ARAP3: variants seen among roughly 807,000 people sequenced by gnomAD.
ARAP3 encodes the protein arf-GAP with Rho-GAP domain, ANK repeat and PH domain-containing protein 3.
Under a neutral mutation model 169.2 loss-of-function variants are expected in ARAP3, and 82 were observed. That is an observed-to-expected ratio of 0.48 (90% confidence interval 0.41 to 0.58). The LOEUF (loss-of-function observed/expected upper bound fraction) is 0.58, where lower values mean the gene tolerates loss of function less well. Ranked by LOEUF, ARAP3 falls within the 20% of genes least tolerant of loss-of-function variation. ARAP3 has a pLI of 0.00. For missense variants in ARAP3, 1,764 were observed against 2,018.0 expected (o/e 0.87, Z 2.41); for synonymous variants, 791 against 800.3 (o/e 0.99, Z 0.20).
rs1328093837 is a variant in ARAP3 at position 141,658,664 on chromosome 5, G to A, written c.3337-11C>T. The A allele has an allele frequency of 2.5e-6, 4 of 1,573,180 alleles. No homozygotes were observed. Among genetic ancestry groups the A allele is most frequent in the Middle Eastern group, 3.4e-4 (2 of 5,824 alleles). On this transcript the variant is annotated splice_polypyrimidine_tract_variant and intron_variant, in intron 23 of 32. Coordinates refer to ENST00000239440, the MANE Select transcript of ARAP3 (RefSeq NM_022481.6). ...TCCAGCCTGAGACAGCTGAGGGGAG[G>A]GGTAAAAAAGTCAGAAGGGCAAAAA... is the stretch of plus-strand genomic sequence containing the variant.
chr5:141,657,328 A>G (rs1201082759), intron 25 of ARAP3, among the ~76,000 whole-genome samples: 2 of 152,258 alleles, frequency 1.3e-5, no homozygotes, highest in African/African-American at 4.8e-5. Context: ...TAGCTACAGC[A>G]AAGAGGATAG....
At chr5:141,673,957 T>TTA in intron 4 of ARAP3, 149 bp from the exon 5 acceptor site, 3 of 641,778 alleles carry the variant, frequency 4.7e-6, no homozygotes, top group African/African-American at 2.1e-5. Flanking sequence ...TTTTCTTTTC[T>TTA]TCTTTTTTTT....
intron 32 of ARAP3, among the ~76,000 whole-genome samples, 180 bp downstream of exon 32, chr5:141,655,182 T>TACAC (rs3075597): frequency 0.095 from 9,094 of 95,446 alleles, 1,103 homozygotes; most frequent in Admixed American, 0.2. Flanking sequence ...CCTGATGGCC[T>TACAC]ACACACACAC....
In ARAP3 at chr5:141,672,611, G is replaced by A. The variant is rs1318540352; in HGVS notation, c.1326C>T (p.Cys442=). 1.2e-6 allele frequency: 2 copies of A among 1,614,026 alleles called. No individual in the cohort carries two copies. The highest frequency in any genetic ancestry group is 1.7e-6 in the Non-Finnish European group (2 of 1,179,920). ...IGICFIELQG[C]SVRETKSRSF... ...TTCGACTCTTGGTCTCCCGGACGCT[G>A]CAGCCCTGCAGTTCGATGAAGCAGA... Residue 442 remains cysteine, a synonymous_variant, in exon 9 of 33, where the codon TGC becomes TGT. Transcript: ENST00000239440. This position sits in a 1 kb window ranked among gnomAD's most constrained non-coding sequence, Gnocchi z 4.9.
At chr5:141,676,486 CGAGCTTTCACCCCATCACTCT>C (rs1372967172) in intron 4 of ARAP3, among the ~76,000 whole-genome samples, 4 of 152,192 alleles carry the variant, frequency 2.6e-5, no homozygotes, top group African/African-American at 7.2e-5. Context: ...CCACTCTCAT[CGAGCTTTCACCCCATCACTCT>C]GAGACTGTAC....
chr5:141,675,068 T>C (rs1406548443), intron 4 of ARAP3, among the ~76,000 whole-genome samples: 2 of 152,196 alleles, frequency 1.3e-5, no homozygotes, highest in Non-Finnish European at 2.9e-5. Context: ...CATCCTGTGT[T>C]GCCCTGGCCC....
intron 18 of ARAP3, 73 bp from the exon 19 acceptor site, chr5:141,665,158 C>T: frequency 1.9e-6 from 3 of 1,565,456 alleles, no homozygotes; most frequent in Non-Finnish European, 2.6e-6. Context: ...CTTCCCAGAG[C>T]CACCAGCAGA....
chr5:141,674,339 T>G (rs1307202532), intron 4 of ARAP3, among the ~76,000 whole-genome samples: 1 of 152,132 alleles, frequency 6.6e-6, no homozygotes, highest in African/African-American at 2.4e-5. Context: ...CTCACTGCAG[T>G]CTCAAACTTC....
At chr5:141,675,722 C>CAA (rs34858399) in intron 4 of ARAP3, among the ~76,000 whole-genome samples, 1 of 138,428 alleles carries the variant, frequency 7.2e-6, no homozygotes. Context: ...GACTCTGTCA[C>CAA]AAAAAAAAAA....
Position 141,653,938 on chromosome 5 carries a change from C to A in ARAP3, c.*12G>T. On this transcript the variant is annotated 3_prime_UTR_variant, in exon 33 of 33. Transcript: ENST00000239440. ...TTCTGGTACCTACCCTCTCAGACTG[C>A]TGGTCCTAGGGTCATGTGAGGGGCT... The A allele has an allele frequency of 1.3e-6, 2 of 1,513,474 alleles. No homozygotes were observed. Among genetic ancestry groups the A allele is most frequent in the Non-Finnish European group, 1.8e-6 (2 of 1,131,686 alleles). The allele number at this position is 1,513,474 out of a possible 1,614,324, so 93.8% of individuals were successfully genotyped here.
At chr5:141,677,500 T>C (rs1348023697) in intron 4 of ARAP3, among the ~76,000 whole-genome samples, 1 of 152,152 alleles carries the variant, frequency 6.6e-6, no homozygotes, top group East Asian at 1.9e-4. Context: ...CAAGTTAATC[T>C]GACAGTTTGC....
chr5:141,676,550 G>A (rs2154599219), intron 4 of ARAP3, among the ~76,000 whole-genome samples: 1 of 152,194 alleles, frequency 6.6e-6, no homozygotes, highest in Non-Finnish European at 1.5e-5. Flanking sequence ...CCAATTCCAA[G>A]GGTGAATTCT....
chr5:141,659,651 A>T, intron 22 of ARAP3, 128 bp downstream of exon 22: 1 of 1,392,364 alleles, frequency 7.2e-7, no homozygotes, highest in Non-Finnish European at 9.8e-7. Context: ...TCTGGGAGGT[A>T]GTTCCTGGTA....
chr5:141,659,259 T>G, intron 23 of ARAP3, 149 bp downstream of exon 23: 1 of 696,072 alleles, frequency 1.4e-6, no homozygotes, highest in Non-Finnish European at 2.5e-6. Context: ...AAAGCACTTC[T>G]CTCATTGGGT....
In ARAP3 at chr5:141,663,197, G is replaced by C. The variant is rs377145693; in HGVS notation, c.2801-942C>G. Among the ~76,000 whole-genome samples the C allele has an allele frequency of 2.1e-4, 32 of 152,224 alleles. 3 individuals carry two copies. In the South Asian group the frequency reaches 6.6e-3, roughly 32 times the overall value. ...CCTCCTAGGACCCACCCTGCTTACT[G>C]CCATATCCCCAGTGTCTGACACACG... On this transcript the variant is annotated intron_variant, in intron 19 of 32. Coordinates refer to ENST00000239440, the MANE Select transcript of ARAP3 (RefSeq NM_022481.6).
chr5:141,673,957 T>A (rs2099911801), intron 4 of ARAP3, 149 bp from the exon 5 acceptor site: 7 of 641,788 alleles, frequency 1.1e-5, no homozygotes, highest in Non-Finnish European at 1.7e-5. Context: ...TTTTCTTTTC[T>A]TCTTTTTTTT....
intron 21 of ARAP3, 26 bp downstream of exon 21, chr5:141,661,658 T>C (rs2099909990): frequency 6.3e-7 from 1 of 1,599,438 alleles, no homozygotes; most frequent in Non-Finnish European, 8.6e-7. Flanking sequence ...GAGGAAGGGT[T>C]CTGCAGAGGG....
chr5:141,675,171 C>G (rs2099911996), intron 4 of ARAP3, among the ~76,000 whole-genome samples: 1 of 152,212 alleles, frequency 6.6e-6, no homozygotes, highest in Non-Finnish European at 1.5e-5. Flanking sequence ...CTTCCCTGGG[C>G]TGCTTTTTCT....
rs2154598690 is a variant in ARAP3, at chr5:141,656,772, C to T, written c.3601G>A (p.Ala1201Thr). 6.2e-7 allele frequency: 1 copy of T among 1,611,988 alleles called. No homozygotes were observed. Among genetic ancestry groups the T allele is most frequent in the East Asian group, 2.2e-5 (1 of 44,850 alleles). Residue 1201 changes from alanine (A) to threonine (T), a missense_variant, in exon 26 of 33, where the codon GCT becomes ACT. Coordinates refer to ENST00000239440, the MANE Select transcript of ARAP3 (RefSeq NM_022481.6). The stretch of plus-strand genomic sequence containing the variant: ...GGGACTTTTTTCAAGAGCAGGGAAG[C>T]TGAGCAGGGCTCTGGGAGCTGGCAC... ...QWCQLPEPCSASLLLKKVPLA... is the reference protein window; with the variant it reads ...QWCQLPEPCSTSLLLKKVPLA...
Sources: gnomAD v4.1 joint callset for allele counts (sites outside exome capture counted in the v4.1 genomes callset) on GRCh38, gnomAD v4.1.1 for gene constraint, Gnocchi (gnomAD v3.1) non-coding constraint, MANE v1.5 for transcripts, NCBI Gene and HGNC (gene_info 2026-07-23, HGNC 2026-07-21) for gene names.